The following TBC1D19 variants were observed in gnomAD, a reference collection of about 807,000 sequenced individuals.
TBC1D19 encodes TBC1 domain family member 19, also known as TBC1 domain family, member 19.
A neutral mutation model predicts 89.0 loss-of-function variants in TBC1D19; 60 were observed. The observed-to-expected ratio is 0.67, with a 90% CI of 0.55 to 0.84. TBC1D19 has a LOEUF of 0.84. TBC1D19 is among the 40% of genes least tolerant of loss of function. The pLI is 0.00. For synonymous variants in TBC1D19, 189 were observed against 199.7 expected, an observed-to-expected ratio of 0.95 and a Z score of 0.45; for missense variants, 500 against 610.8, an observed-to-expected ratio of 0.82 and a Z score of 1.91.
the TBC1D19 span, among the ~76,000 whole-genome samples, chr4:26,847,554 C>A: frequency 6.6e-6 from 1 of 152,096 alleles, no homozygotes; most frequent in Non-Finnish European, 1.5e-5. Flanking sequence ...GCAGACTGAA[C>A]GGGAAGGAGA....
intron 18 of TBC1D19, among the ~76,000 whole-genome samples, chr4:26,743,895 T>C (rs1228170077): frequency 6.6e-6 from 1 of 151,672 alleles, no homozygotes; most frequent in Admixed American, 6.6e-5. Context: ...AAATATTTTT[T>C]CTAGCCTGTT....
At chr4:26,650,283 G>A (rs902445117) in intron 7 of TBC1D19, among the ~76,000 whole-genome samples, 16 of 152,076 alleles carry the variant, frequency 1.1e-4, no homozygotes, top group Non-Finnish European at 2.1e-4. Context: ...CTGAGGAATC[G>A]CCACACTGAC....
the TBC1D19 span, among the ~76,000 whole-genome samples, chr4:26,850,540 C>CAA: frequency 4.4e-4 from 40 of 90,380 alleles, 1 homozygote; most frequent in African/African-American, 1.8e-3. Flanking sequence ...GACCCTGTCT[C>CAA]AAAAAAAAAA....
chr4:26,816,508 G>T, the TBC1D19 span, among the ~76,000 whole-genome samples: 1 of 152,240 alleles, frequency 6.6e-6, no homozygotes, highest in East Asian at 1.9e-4. Flanking sequence ...TCCAAAGGGG[G>T]AAAATCGTAA....
At chr4:26,753,267 A>G (rs1372330649) in intron 19 of TBC1D19, among the ~76,000 whole-genome samples, 2 of 152,234 alleles carry the variant, frequency 1.3e-5, no homozygotes, top group Non-Finnish European at 2.9e-5. Flanking sequence ...CAGCCTCTGT[A>G]TAACGTTTCA....
At chr4:26,748,358 T>C in intron 18 of TBC1D19, 53 bp from the exon 19 acceptor site, 1 of 1,344,422 alleles carries the variant, frequency 7.4e-7, no homozygotes, top group Non-Finnish European at 1.1e-6. Context: ...TATTGCATTT[T>C]CATGAGAAAA....
At chr4:26,811,795 G>A in the TBC1D19 span, among the ~76,000 whole-genome samples, 4 of 152,192 alleles carry the variant, frequency 2.6e-5, no homozygotes, top group African/African-American at 9.7e-5. Context: ...TTTGTAAACT[G>A]TCATGCACTG....
chr4:26,608,655 C>T (rs143974543), intron 1 of TBC1D19, among the ~76,000 whole-genome samples: 150 of 152,032 alleles, frequency 9.9e-4, no homozygotes, highest in South Asian at 6.7e-3. Flanking sequence ...GTCTTCTCTC[C>T]GAATCATTTT....
intron 18 of TBC1D19, among the ~76,000 whole-genome samples, chr4:26,745,615 C>T (rs1718609105): frequency 1.4e-5 from 2 of 148,024 alleles, no homozygotes; most frequent in Non-Finnish European, 3.0e-5. Context: ...CAGGCAATTC[C>T]CCTGCCTCAG....
the TBC1D19 span, chr4:26,857,629 A>T: frequency 2.0e-5 from 3 of 152,086 alleles, no homozygotes; most frequent in Non-Finnish European, 4.4e-5. Context: ...GGCGTCCCGG[A>T]ACCCAGCAGC....
chr4:26,790,554 AATAG>A, the TBC1D19 span, among the ~76,000 whole-genome samples: 1 of 133,738 alleles, frequency 7.5e-6, no homozygotes, highest in Admixed American at 6.9e-5. Context: ...TGGATGCATA[AATAG>A]ATAGATATTG....
At chr4:26,855,950 A>G in the TBC1D19 span, among the ~76,000 whole-genome samples, 1 of 152,252 alleles carries the variant, frequency 6.6e-6, no homozygotes, top group South Asian at 2.1e-4. Context: ...TAACATATCT[A>G]TTATCTCACT....
Position 26,614,549 on chromosome 4 carries a change from ATTAT to A in TBC1D19, c.218+101_218+104del, listed in dbSNP as rs34722432. The A allele has an allele frequency of 0.016, 10,385 of 664,890 alleles. 857 individuals carry two copies. The African/African-American group carries it at 0.17, about 11-fold the overall frequency. 41.2% of individuals were successfully genotyped at this position (664,890 alleles called of 1,614,324 possible). On this transcript the variant is annotated intron_variant, in intron 3 of 20. Transcript: ENST00000264866. ...TATTGTTATATATACTTGTTGTATTATTATTTATCATTAATATTTATACAGCATT... is the reference window on the plus strand; with the variant it reads ...TATTGTTATATATACTTGTTGTATTATTATCATTAATATTTATACAGCATT...
the TBC1D19 span, among the ~76,000 whole-genome samples, chr4:26,821,453 T>C: frequency 6.6e-6 from 1 of 152,240 alleles, no homozygotes; most frequent in African/African-American, 2.4e-5. Context: ...TTCTGTGCTT[T>C]GTGGGCATTC....
chr4:26,657,330 A>G (rs2109067953), intron 7 of TBC1D19, among the ~76,000 whole-genome samples: 1 of 151,998 alleles, frequency 6.6e-6, no homozygotes, highest in East Asian at 1.9e-4. Flanking sequence ...GTGAGAACAT[A>G]CAGTGTTTGG....
chr4:26,593,124 C>G (rs1739936184), intron 1 of TBC1D19, among the ~76,000 whole-genome samples: 1 of 152,224 alleles, frequency 6.6e-6, no homozygotes, highest in Non-Finnish European at 1.5e-5. Context: ...CAGCATGGTA[C>G]TGGTACCAAA....
chr4:26,844,858 T>G, the TBC1D19 span, among the ~76,000 whole-genome samples: 1 of 152,194 alleles, frequency 6.6e-6, no homozygotes, highest in African/African-American at 2.4e-5. Context: ...GGTGGAAGGA[T>G]CCCTTGGGAT....
intron 7 of TBC1D19, among the ~76,000 whole-genome samples, chr4:26,650,847 G>A (rs1214891320): frequency 2.0e-5 from 3 of 152,130 alleles, no homozygotes; most frequent in Non-Finnish European, 4.4e-5. Flanking sequence ...ATGGTTTTAG[G>A]TCTCACATTT....
chr4:26,742,686 A>C, intron 18 of TBC1D19, 87 bp downstream of exon 18: 1 of 919,928 alleles, frequency 1.1e-6, no homozygotes, highest in Non-Finnish European at 1.6e-6. Context: ...CAAATACGTA[A>C]TTTTTCAGAG....
Sources: gnomAD v4.1 joint callset for allele counts (sites outside exome capture counted in the v4.1 genomes callset) on GRCh38, gnomAD v4.1.1 for gene constraint, MANE v1.5 for transcripts, NCBI Gene and HGNC (gene_info 2026-07-23, HGNC 2026-07-21) for gene names.